The following ZNF521 variants were observed in gnomAD, a reference collection of about 807,000 sequenced individuals.
The protein encoded by ZNF521 is zinc finger protein 521.
ZNF521 carries 14 observed loss-of-function variants against 105.5 expected under a neutral mutation model. That is an observed-to-expected ratio of 0.13 (90% CI 0.09 to 0.21). The LOEUF (loss-of-function observed/expected upper bound fraction) is 0.21. Among genes scored for constraint, ZNF521 ranks in the 10% least tolerant of loss-of-function variants. ZNF521 has a pLI of 1.00. For synonymous variants in ZNF521, 635 were observed against 606.0 expected (o/e 1.05, Z -0.70); for missense variants, 1,233 against 1,629.7 (o/e 0.76, Z 4.19).
At chr18:25,330,593 G>A (rs1913511677) in intron 2 of ZNF521, among the ~76,000 whole-genome samples, 1 of 152,120 alleles carries the variant, frequency 6.6e-6, no homozygotes, top group African/African-American at 2.4e-5. Context: ...TGCCAAAGAA[G>A]AATAAGTATA....
chr18:25,288,411 C>A (rs1042386582), intron 3 of ZNF521, among the ~76,000 whole-genome samples: 2 of 152,168 alleles, frequency 1.3e-5, no homozygotes, highest in Admixed American at 1.3e-4. Context: ...GGCTAGCCTT[C>A]TGTCCACCTT....
chr18:25,222,953 G>A lies in ZNF521; in HGVS notation c.3573+1392C>T, dbSNP rs547395766. On this transcript the variant is annotated intron_variant, in intron 4 of 7. Coordinates refer to ENST00000361524, the MANE Select transcript of ZNF521 (RefSeq NM_015461.3). ...TTTTAAAAAGGGGTGCAGAGAGAGA[G>A]AAAACGCTACAAAATATTCTTATCT... is the stretch of plus-strand genomic sequence containing the variant. Among the ~76,000 whole-genome samples, 5 of 152,298 alleles carry A rather than the reference G, an allele frequency of 3.3e-5. No individual in the cohort carries two copies. The South Asian group carries it at 1.0e-3, about 32-fold the overall frequency.
At chr18:25,315,114 C>T (rs1052816679) in intron 3 of ZNF521, among the ~76,000 whole-genome samples, 5 of 152,134 alleles carry the variant, frequency 3.3e-5, no homozygotes, top group African/African-American at 4.8e-5. Context: ...GTTCTCTGTG[C>T]TTTTCCTTCT....
intron 5 of ZNF521, among the ~76,000 whole-genome samples, chr18:25,147,244 T>G (rs1284948877): frequency 1.3e-5 from 2 of 151,928 alleles, no homozygotes; most frequent in Non-Finnish European, 2.9e-5. Flanking sequence ...AACAAGGGTC[T>G]TGAGATTTAC....
At chr18:25,114,561 T>C (rs1342569398) in intron 5 of ZNF521, among the ~76,000 whole-genome samples, 1 of 152,198 alleles carries the variant, frequency 6.6e-6, no homozygotes, top group East Asian at 1.9e-4. Context: ...ACTCAGGAAG[T>C]ACACTTGTCA....
intron 5 of ZNF521, among the ~76,000 whole-genome samples, chr18:25,153,607 G>T (rs2035087568): frequency 6.6e-6 from 1 of 152,178 alleles, no homozygotes; most frequent in African/African-American, 2.4e-5. Context: ...GACAGCATCT[G>T]GGAAACTGCA....
At chr18:25,134,904 T>C (rs1378743327) in intron 5 of ZNF521, among the ~76,000 whole-genome samples, 1 of 151,986 alleles carries the variant, frequency 6.6e-6, no homozygotes, top group Non-Finnish European at 1.5e-5. Flanking sequence ...CTTAGTGCTA[T>C]TTGATCAAAC....
intron 3 of ZNF521, among the ~76,000 whole-genome samples, chr18:25,239,918 CAT>C (rs1907190172): frequency 6.6e-6 from 1 of 151,972 alleles, no homozygotes; most frequent in Admixed American, 6.6e-5. Flanking sequence ...AAGCAGTTAA[CAT>C]ATTTTCTCTC....
In ZNF521 at chr18:25,224,737, C is replaced by T. The variant is rs778375398; in HGVS notation, c.3181G>A (p.Val1061Ile). ...AVQTTGRGQH[V>I]QKLYKCASCL... Reference sequence around the variant, plus strand: ...GATGCGCACTTATACAGTTTTTGGACGTGCTGGCCCCGCCCTGTGGTCTGA... The same window carrying T: ...GATGCGCACTTATACAGTTTTTGGATGTGCTGGCCCCGCCCTGTGGTCTGA... The change falls in exon 4 of 8, where the codon GTC (valine) becomes ATC (isoleucine). Residue 1061 changes from valine (V) to isoleucine (I), a missense_variant. Physicochemically the swap from Val to Ile is conservative, Grantham distance 29. Transcript: ENST00000361524. The T allele has an allele frequency of 1.9e-4, 302 of 1,613,810 alleles. 2 individuals carry two copies. In the Admixed American group the frequency reaches 3.2e-3, roughly 17 times the overall value.
At chr18:25,234,549 G>T (rs562846429) in intron 3 of ZNF521, among the ~76,000 whole-genome samples, 4 of 151,906 alleles carry the variant, frequency 2.6e-5, no homozygotes, top group African/African-American at 7.2e-5. Flanking sequence ...TGATTTCCTT[G>T]TCTATAATAT....
intron 3 of ZNF521, among the ~76,000 whole-genome samples, chr18:25,265,116 T>C (rs941984707): frequency 6.6e-6 from 1 of 152,218 alleles, no homozygotes; most frequent in Non-Finnish European, 1.5e-5. Flanking sequence ...ATGACATACA[T>C]TTTTAAAAAT....
At chr18:25,263,397 G>A (rs567433886) in intron 3 of ZNF521, among the ~76,000 whole-genome samples, 9 of 151,456 alleles carry the variant, frequency 5.9e-5, no homozygotes, top group African/African-American at 9.7e-5. Context: ...CACTCTTGTC[G>A]CCCAGGCTGG....
intron 5 of ZNF521, among the ~76,000 whole-genome samples, chr18:25,186,077 A>G (rs1320018190): frequency 1.3e-5 from 2 of 152,158 alleles, no homozygotes; most frequent in Non-Finnish European, 2.9e-5. Context: ...GATTTTTCTA[A>G]TTTTTGTCTG....
At chr18:25,196,624 C>A (rs189508932) in intron 4 of ZNF521, among the ~76,000 whole-genome samples, 3 of 151,578 alleles carry the variant, frequency 2.0e-5, no homozygotes, top group Non-Finnish European at 3.0e-5. Context: ...AGGCATATTG[C>A]GAACTGAATG....
intron 5 of ZNF521, among the ~76,000 whole-genome samples, chr18:25,140,064 A>AAGC (rs1420094657): frequency 6.6e-6 from 1 of 152,156 alleles, no homozygotes; most frequent in Non-Finnish European, 1.5e-5. Flanking sequence ...TGTTGCTTAT[A>AAGC]AGCCCCTAGT....
At chr18:25,296,496 A>G (rs1384349424) in intron 3 of ZNF521, among the ~76,000 whole-genome samples, 2 of 152,134 alleles carry the variant, frequency 1.3e-5, no homozygotes, top group South Asian at 2.1e-4. Context: ...ATAGAACCCC[A>G]TCGCTGACAG....
intron 2 of ZNF521, among the ~76,000 whole-genome samples, chr18:25,350,608 G>A (rs888731745): frequency 7.2e-5 from 11 of 151,748 alleles, no homozygotes; most frequent in African/African-American, 2.7e-4. Context: ...CTCCCTCTCC[G>A]GATAATTTCG....
chr18:25,075,058 C>T (rs538890401), intron 7 of ZNF521, among the ~76,000 whole-genome samples: 9 of 152,130 alleles, frequency 5.9e-5, no homozygotes, highest in Non-Finnish European at 1.2e-4. Flanking sequence ...GAGGGCCAGG[C>T]GGCAGGCATG....
rs1433902302 is a variant in ZNF521 at position 25,062,496 on chromosome 18, G to A, written c.*216C>T. 1.5e-5 allele frequency: 8 copies of A among 537,382 alleles called. No homozygotes were observed. The highest frequency in any genetic ancestry group is 4.0e-5 in the Admixed American group (1 of 24,844). The allele number at this position is 537,382 out of a possible 1,614,324, so 33.3% of individuals were successfully genotyped here. On this transcript the variant is annotated 3_prime_UTR_variant, in exon 8 of 8. Coordinates refer to ENST00000361524, the MANE Select transcript of ZNF521 (RefSeq NM_015461.3). Reference sequence around the variant, plus strand: ...TTATAAGACCATTTTAGTATCAGACGACATAATACATGTGCAACACTTTAT... The same window carrying A: ...TTATAAGACCATTTTAGTATCAGACAACATAATACATGTGCAACACTTTAT...
Sources: gnomAD v4.1 joint callset for allele counts (sites outside exome capture counted in the v4.1 genomes callset) on GRCh38, gnomAD v4.1.1 for gene constraint, MANE v1.5 for transcripts, NCBI Gene and HGNC (gene_info 2026-07-23, HGNC 2026-07-21) for gene names.